Variants in TXNRD2 observed in about 807,000 individuals in gnomAD.
TXNRD2 encodes thioredoxin reductase 2, mitochondrial.
Under a neutral mutation model 70.8 loss-of-function variants are expected in TXNRD2, and 67 were observed. The ratio of observed to expected loss-of-function variants is 0.95; its 90% confidence interval spans 0.78 to 1.16. The LOEUF (loss-of-function observed/expected upper bound fraction) is 1.16, where lower values mean the gene tolerates loss of function less well. Ranked by LOEUF, TXNRD2 falls within the 50% of genes most tolerant of loss-of-function variation. The pLI is 0.00. For missense variants in TXNRD2, 644 were observed against 719.9 expected (o/e 0.89, Z 1.21); for synonymous variants, 301 against 295.8 (o/e 1.02, Z -0.18).
Position 19,883,161 on chromosome 22 carries a change from G to T in TXNRD2, c.1086+164C>A, listed in dbSNP as rs116020823. On this transcript the variant is annotated intron_variant, in intron 12 of 17. Coordinates refer to ENST00000400521, the MANE Select transcript of TXNRD2 (RefSeq NM_006440.5). ...GAGAGCCGAGGCCCATGTCCAGGTT[G>T]CCCCAGAACTCCAGACAGGCTGGCC... Among the ~76,000 whole-genome samples, 219 of 152,356 alleles carry T rather than the reference G, an allele frequency of 1.4e-3. 1 individual carries two copies. Among genetic ancestry groups the T allele is most frequent in the African/African-American group, 4.9e-3 (205 of 41,590 alleles).
intron 2 of TXNRD2, among the ~76,000 whole-genome samples, chr22:19,924,478 G>A (rs992396635): frequency 1.3e-5 from 2 of 152,102 alleles, no homozygotes; most frequent in African/African-American, 2.4e-5. Flanking sequence ...CATCATACCC[G>A]TAGACCCAAC....
At chr22:19,928,024 T>C (rs745367261) in intron 2 of TXNRD2, among the ~76,000 whole-genome samples, 2 of 151,700 alleles carry the variant, frequency 1.3e-5, no homozygotes, top group African/African-American at 4.8e-5. Context: ...CCCAACGTTT[T>C]GGGAGGCCAA....
At chr22:19,934,990 A>T (rs1941491756) in intron 1 of TXNRD2, among the ~76,000 whole-genome samples, 1 of 152,230 alleles carries the variant, frequency 6.6e-6, no homozygotes, top group Admixed American at 6.5e-5. Flanking sequence ...AATTGATTGT[A>T]AAACGTGTGT....
chr22:19,915,234 G>A lies in TXNRD2; in HGVS notation c.571C>T (p.Arg191Trp), dbSNP rs751123675. The A allele has an allele frequency of 3.3e-5, 53 of 1,613,742 alleles. No individual in the cohort carries two copies. Among genetic ancestry groups the A allele is most frequent in the Non-Finnish European group, 4.2e-5 (49 of 1,179,950 alleles). ...CTCACGTGCGTGGGGTATCTCGGCC[G>A]CCCTCCAGTAGCAATGATGATGTGA... ...ADHIIIATGG[R>W]PRYPTHIEGA... Residue 191 changes from arginine (R) to tryptophan (W), a missense_variant, in exon 7 of 18, where the codon CGG becomes TGG. This residue lies in a region of TXNRD2 where 566 missense variants were observed against 645.0 expected (regional missense o/e 0.88). Coordinates refer to ENST00000400521, the MANE Select transcript of TXNRD2 (RefSeq NM_006440.5).
At chr22:19,881,865 C>T (rs1281297741) in intron 12 of TXNRD2, among the ~76,000 whole-genome samples, 1 of 152,234 alleles carries the variant, frequency 6.6e-6, no homozygotes, top group East Asian at 1.9e-4. Context: ...GTGGCTGAGG[C>T]ACATGGAGCC....
chr22:19,910,279 T>A (rs1940348587), intron 8 of TXNRD2, among the ~76,000 whole-genome samples: 1 of 152,256 alleles, frequency 6.6e-6, no homozygotes, highest in Admixed American at 6.5e-5. Context: ...TGCACGCTGC[T>A]AGCCTCCCTT....
At chr22:19,889,143 T>G (rs558211440) in intron 11 of TXNRD2, among the ~76,000 whole-genome samples, 1 of 151,824 alleles carries the variant, frequency 6.6e-6, no homozygotes, top group East Asian at 1.9e-4. Context: ...CCTTGGGGGG[T>G]GGGGGTGAGC....
chr22:19,931,415 T>C (rs1601481549), intron 1 of TXNRD2, among the ~76,000 whole-genome samples: 1 of 152,188 alleles, frequency 6.6e-6, no homozygotes, highest in South Asian at 2.1e-4. Context: ...TTTTATTCTA[T>C]TTATTTTTGA....
At chr22:19,925,401 A>G (rs1009027098) in intron 2 of TXNRD2, among the ~76,000 whole-genome samples, 1 of 151,990 alleles carries the variant, frequency 6.6e-6, no homozygotes, top group African/African-American at 2.4e-5. Context: ...AAGAAATGCT[A>G]AAGGATGCCC....
rs563156885 is a variant in TXNRD2, at chr22:19,925,079, T to C, written c.173-5480A>G. On this transcript the variant is annotated intron_variant, in intron 2 of 17. Transcript: ENST00000400521. Reference sequence around the variant, plus strand: ...GGGGGCGGATCACAAGGTCAGGAGATCGAGACCATCCTGGCTAACACGGCG... The same window carrying C: ...GGGGGCGGATCACAAGGTCAGGAGACCGAGACCATCCTGGCTAACACGGCG... Among the ~76,000 whole-genome samples the C allele has an allele frequency of 4.7e-5, 7 of 150,104 alleles. 1 individual carries two copies. Among genetic ancestry groups the C allele is most frequent in the South Asian group, 4.2e-4 (2 of 4,768 alleles).
intron 11 of TXNRD2, among the ~76,000 whole-genome samples, chr22:19,889,768 AC>A (rs1939186138): frequency 6.6e-6 from 1 of 152,086 alleles, no homozygotes; most frequent in Admixed American, 6.5e-5. Context: ...GAGCCACCTC[AC>A]CCGGCCCTTT....
At position 19,904,700 on chromosome 22, in the gene TXNRD2, G is replaced by A. The variant is rs56111928; in HGVS notation, c.663-5632C>T. On this transcript the variant is annotated intron_variant, in intron 8 of 17. Coordinates refer to ENST00000400521, the MANE Select transcript of TXNRD2 (RefSeq NM_006440.5). ...CCTCGTGCACGCCGCAGAGCCCACC[G>A]AGGGCCTGGGGCCAGGGGGACAGGG... Among the ~76,000 whole-genome samples, 665 of 152,308 alleles carry A rather than the reference G, an allele frequency of 4.4e-3. 7 individuals are homozygous for A. The highest frequency in any genetic ancestry group is 0.015 in the African/African-American group (632 of 41,582).
chr22:19,918,513 G>C (rs1369201485), intron 4 of TXNRD2, among the ~76,000 whole-genome samples: 1 of 152,148 alleles, frequency 6.6e-6, no homozygotes, highest in East Asian at 1.9e-4. Flanking sequence ...AGCCAATGTG[G>C]GTGTGGCTGG....
intron 11 of TXNRD2, among the ~76,000 whole-genome samples, chr22:19,892,057 GGGCACGGA>G (rs1215987159): frequency 6.6e-6 from 1 of 152,180 alleles, no homozygotes; most frequent in South Asian, 2.1e-4. Flanking sequence ...TGTGTGCACC[GGGCACGGA>G]GGCATCCCCC....
chr22:19,934,511 T>A (rs994734257), intron 1 of TXNRD2, among the ~76,000 whole-genome samples: 2 of 151,068 alleles, frequency 1.3e-5, no homozygotes, highest in East Asian at 3.9e-4. Context: ...ATAGTGAAGA[T>A]TTCATTTCAA....
chr22:19,915,655 C>T, intron 6 of TXNRD2, 110 bp downstream of exon 6: 1 of 993,448 alleles, frequency 1.0e-6, no homozygotes, highest in Non-Finnish European at 1.6e-6. Flanking sequence ...TTTTTGATTC[C>T]AGCAGCACGT....
chr22:19,935,862 C>T (rs1941519784), intron 1 of TXNRD2, among the ~76,000 whole-genome samples: 1 of 152,192 alleles, frequency 6.6e-6, no homozygotes, highest in African/African-American at 2.4e-5. Flanking sequence ...TTCATCGGTC[C>T]AGTCCACAGA....
intron 8 of TXNRD2, 118 bp from the exon 9 acceptor site, chr22:19,899,186 G>T: frequency 7.5e-7 from 1 of 1,339,580 alleles, no homozygotes; most frequent in Non-Finnish European, 1.0e-6. Flanking sequence ...GGGCTCCAAG[G>T]TTACTGTTCA....
At chr22:19,932,739 G>C (rs1318286910) in intron 1 of TXNRD2, among the ~76,000 whole-genome samples, 2 of 152,060 alleles carry the variant, frequency 1.3e-5, no homozygotes, top group Non-Finnish European at 2.9e-5. Flanking sequence ...CACCCTCCCA[G>C]AGCATCTGGA....
Sources: allele counts gnomAD v4.1 joint callset (sites outside exome capture counted in the v4.1 genomes callset), GRCh38; gene constraint gnomAD v4.1.1; regional missense constraint gnomAD v4.1.1; transcripts MANE v1.5; gene names NCBI Gene and HGNC (gene_info 2026-07-23, HGNC 2026-07-21).